COLEC10: variants seen among roughly 807,000 people sequenced by gnomAD.
COLEC10 encodes the protein collectin-10.
Under a neutral mutation model 28.4 loss-of-function variants are expected in COLEC10, and 22 were observed. The ratio of observed to expected loss-of-function variants is 0.78; its 90% confidence interval spans 0.55 to 1.11. The LOEUF is 1.11. Among genes scored for constraint, COLEC10 ranks in the 50% least tolerant of loss-of-function variants. The probability of loss-of-function intolerance (pLI) is 0.00; values close to 1 mark genes in which losing one functional copy is unlikely to be tolerated. For missense variants in COLEC10, 361 were observed against 344.1 expected (o/e 1.05, Z -0.39); for synonymous variants, 125 against 116.1 (o/e 1.08, Z -0.49).
chr8:119,086,171 A>G (rs1815478005), intron 1 of COLEC10, among the ~76,000 whole-genome samples: 1 of 152,188 alleles, frequency 6.6e-6, no homozygotes. Context: ...ATGCGGTCAA[A>G]TGTGTGCTGT....
intron 2 of COLEC10, among the ~76,000 whole-genome samples, chr8:119,056,232 G>A (rs1298934236): frequency 6.6e-6 from 1 of 151,980 alleles, no homozygotes; most frequent in Non-Finnish European, 1.5e-5. Context: ...AAAAAGTCAA[G>A]CACTACAGGT....
chr8:118,985,548 C>T, the COLEC10 span, among the ~76,000 whole-genome samples: 2 of 152,024 alleles, frequency 1.3e-5, no homozygotes, highest in African/African-American at 4.8e-5. Context: ...AGGATGTACT[C>T]TCCTTTCCAC....
chr8:118,966,799 C>A, the COLEC10 span, among the ~76,000 whole-genome samples: 1 of 151,874 alleles, frequency 6.6e-6, no homozygotes, highest in African/African-American at 2.4e-5. Flanking sequence ...TTATTGAATG[C>A]CAAGGCATAC....
chr8:118,992,918 C>A (rs573882700), upstream of COLEC10, among the ~76,000 whole-genome samples: 2 of 152,042 alleles, frequency 1.3e-5, no homozygotes, highest in Non-Finnish European at 1.5e-5. Context: ...TCATTATGAA[C>A]CTTAATTGTT....
chr8:119,101,367 G>A (rs1452042813), intron 3 of COLEC10, among the ~76,000 whole-genome samples: 3 of 151,928 alleles, frequency 2.0e-5, no homozygotes, highest in Admixed American at 2.0e-4. Context: ...AAGAACCTCA[G>A]CCAAACATTT....
chr8:119,045,374 G>C (rs1306685911), intron 2 of COLEC10, among the ~76,000 whole-genome samples: 1 of 152,196 alleles, frequency 6.6e-6, no homozygotes, highest in Non-Finnish European at 1.5e-5. Flanking sequence ...TGACCAATTG[G>C]CTGAATGTGG....
At chr8:119,061,796 T>C (rs114034989) in intron 2 of COLEC10, among the ~76,000 whole-genome samples, 2,196 of 152,148 alleles carry the variant, frequency 0.014, 55 homozygotes, top group African/African-American at 0.05. Context: ...TGTGTAATAA[T>C]AATACCAATT....
At chr8:119,096,666 A>G (rs1000544728) in intron 3 of COLEC10, among the ~76,000 whole-genome samples, 1 of 152,122 alleles carries the variant, frequency 6.6e-6, no homozygotes, top group Admixed American at 6.6e-5. Context: ...AGGAAACCAC[A>G]GAATTGGCTA....
At chr8:119,021,909 G>T (rs781290128) in intron 2 of COLEC10, among the ~76,000 whole-genome samples, 13 of 152,108 alleles carry the variant, frequency 8.5e-5, no homozygotes, top group Non-Finnish European at 1.5e-4. Flanking sequence ...ATGATTACAT[G>T]TAAGTGAATG....
chr8:118,981,784 G>A, the COLEC10 span, among the ~76,000 whole-genome samples: 6 of 152,132 alleles, frequency 3.9e-5, no homozygotes, highest in Non-Finnish European at 7.4e-5. Context: ...TGCTATTGAT[G>A]TATTTTAGGC....
intron 5 of COLEC10, 103 bp downstream of exon 5, chr8:119,103,998 T>A: frequency 1.2e-6 from 1 of 838,086 alleles, no homozygotes; most frequent in South Asian, 1.6e-5. Flanking sequence ...GACAAAGGGC[T>A]ATTGAGATAG....
intron 2 of COLEC10, among the ~76,000 whole-genome samples, chr8:119,044,662 C>A (rs1814556927): frequency 6.6e-6 from 1 of 152,036 alleles, no homozygotes; most frequent in Admixed American, 6.6e-5. Context: ...CGAAACCAGC[C>A]TGGCCAACAT....
chr8:119,012,922 G>A (rs1442916280), intron 2 of COLEC10, among the ~76,000 whole-genome samples: 3 of 149,828 alleles, frequency 2.0e-5, no homozygotes, highest in Non-Finnish European at 4.4e-5. Context: ...TCAACTTTTG[G>A]TTGTGATGAT....
chr8:119,005,814 G>C (rs1430041626), intron 1 of COLEC10, among the ~76,000 whole-genome samples: 3 of 152,048 alleles, frequency 2.0e-5, no homozygotes, highest in Non-Finnish European at 2.9e-5. Context: ...CTATCACATG[G>C]GGTGGATTGT....
At chr8:119,040,929 G>C (rs1291514125) in intron 2 of COLEC10, among the ~76,000 whole-genome samples, 2 of 152,176 alleles carry the variant, frequency 1.3e-5, no homozygotes, top group East Asian at 3.8e-4. Flanking sequence ...AAGCCATAGG[G>C]CAAGTGAGAC....
At chr8:119,086,079 G>A (rs1815475688) in intron 1 of COLEC10, among the ~76,000 whole-genome samples, 1 of 152,094 alleles carries the variant, frequency 6.6e-6, no homozygotes, top group African/African-American at 2.4e-5. Context: ...TGAGTAAAGG[G>A]TACTGGCCTG....
At chr8:118,993,356 CATTTT>C (rs1031929391), upstream of COLEC10, among the ~76,000 whole-genome samples, 6 of 151,608 alleles carry the variant, frequency 4.0e-5, no homozygotes, top group African/African-American at 1.5e-4. Flanking sequence ...GTTTATGTTT[CATTTT>C]GTTTTGTTTT....
chr8:118,965,470 C>A, the COLEC10 span, among the ~76,000 whole-genome samples: 2 of 151,948 alleles, frequency 1.3e-5, no homozygotes, highest in Admixed American at 6.6e-5. Flanking sequence ...CTCTTCTTGC[C>A]CCATTTTCCC....
chr8:119,060,572 A>G (rs1686287006), intron 2 of COLEC10, among the ~76,000 whole-genome samples: 2 of 152,148 alleles, frequency 1.3e-5, no homozygotes, highest in African/African-American at 2.4e-5. Flanking sequence ...GCTACAGAAG[A>G]CTAAAAGAAA....
Sources: allele counts gnomAD v4.1 joint callset (sites outside exome capture counted in the v4.1 genomes callset), GRCh38; gene constraint gnomAD v4.1.1; transcripts MANE v1.5; gene names NCBI Gene and HGNC (gene_info 2026-07-23, HGNC 2026-07-21).